Variants in GPC4 observed in about 807,000 individuals in gnomAD.
GPC4 encodes the protein glypican-4.
Under a neutral mutation model 35.0 loss-of-function variants are expected in GPC4, and 10 were observed. That is an observed-to-expected ratio of 0.29 (90% confidence interval 0.18 to 0.48). The LOEUF (loss-of-function observed/expected upper bound fraction) is 0.48. GPC4 is among the 20% of genes least tolerant of loss of function. GPC4 has a pLI of 0.99. For synonymous variants in GPC4, 167 were observed against 170.2 expected, an observed-to-expected ratio of 0.98 and a Z score of 0.15; for missense variants, 322 against 451.3, an observed-to-expected ratio of 0.71 and a Z score of 2.60.
At chrX:133,381,129 G>A (rs948903405) in intron 1 of GPC4, among the ~76,000 whole-genome samples, 7 of 111,646 alleles carry the variant, frequency 6.3e-5, no homozygotes, top group East Asian at 2.8e-4. Context: ...TAAAAGAACC[G>A]GGGTCAGTGG....
chrX:133,342,139 G>C (rs1292383392), intron 1 of GPC4, among the ~76,000 whole-genome samples: 3 of 106,202 alleles, frequency 2.8e-5, no homozygotes, highest in African/African-American at 1.0e-4. Flanking sequence ...TGGGTTCAAG[G>C]GATTCTCGTG....
chrX:133,373,988 C>T (rs2068623473), intron 1 of GPC4, among the ~76,000 whole-genome samples: 1 of 110,818 alleles, frequency 9.0e-6, no homozygotes, highest in African/African-American at 3.3e-5. Context: ...GCTAATGGTA[C>T]ACAGTTAATT....
rs767888494 is a variant in GPC4, at chrX:133,347,604, C to A, written c.161-8263G>T. On this transcript the variant is annotated intron_variant, in intron 1 of 8. Transcript: ENST00000370828. Reference sequence around the variant, plus strand: ...AATGCAGGTTGCTATATAACTCCAGCCCCTCTAAGCTACCTAAGACCCCAT... The same window carrying A: ...AATGCAGGTTGCTATATAACTCCAGACCCTCTAAGCTACCTAAGACCCCAT... 2.7e-5 allele frequency among the ~76,000 whole-genome samples: 3 copies of A among 110,983 alleles called. No homozygotes were observed. In the South Asian group the frequency reaches 1.2e-3, roughly 43 times the overall value.
At chrX:133,412,541 G>T (rs981505504) in intron 1 of GPC4, among the ~76,000 whole-genome samples, 1 of 111,791 alleles carries the variant, frequency 8.9e-6, no homozygotes, top group Non-Finnish European at 1.9e-5. Flanking sequence ...AGTCCAGTAG[G>T]TCATTCAAAA....
intron 1 of GPC4, among the ~76,000 whole-genome samples, chrX:133,387,293 T>C (rs2068695690): frequency 8.9e-6 from 1 of 111,809 alleles, no homozygotes; most frequent in African/African-American, 3.3e-5. Context: ...AAGAAAACAG[T>C]GGGTTTCAAT....
At chrX:133,335,650 C>A (rs946597759) in intron 2 of GPC4, among the ~76,000 whole-genome samples, 6 of 112,414 alleles carry the variant, frequency 5.3e-5, no homozygotes, top group Admixed American at 1.9e-4. Flanking sequence ...GGCACTAGAA[C>A]CCTGACCAGG....
intron 1 of GPC4, 136 bp downstream of exon 1, chrX:133,414,670 G>T: frequency 8.8e-7 from 1 of 1,132,858 alleles, no homozygotes; most frequent in Admixed American, 2.8e-5. Flanking sequence ...GCTCGCTCCT[G>T]CCCTCTCGAC....
intron 1 of GPC4, among the ~76,000 whole-genome samples, chrX:133,378,963 T>C (rs1398288531): frequency 8.9e-6 from 1 of 112,341 alleles, no homozygotes; most frequent in East Asian, 2.8e-4. Flanking sequence ...GCACAGACTT[T>C]GGAGTCAGAA....
rs190069325 is a variant in GPC4 at position 133,384,051 on chromosome X, T to C, written c.160+30755A>G. On this transcript the variant is annotated intron_variant, in intron 1 of 8. Transcript: ENST00000370828. ...AACTCGAGAATTTTCTTCAGGGAAC[T>C]GGAAATGCACAGAGACATACACTTT... 5.0e-3 allele frequency among the ~76,000 whole-genome samples: 562 copies of C among 111,710 alleles called. 3 individuals carry two copies. The highest frequency in any genetic ancestry group is 0.017 in the African/African-American group (526 of 30,753).
intron 1 of GPC4, among the ~76,000 whole-genome samples, chrX:133,365,223 C>A (rs1370121739): frequency 9.0e-6 from 1 of 111,526 alleles, no homozygotes; most frequent in Non-Finnish European, 1.9e-5. Flanking sequence ...TAGACACACC[C>A]TGTGGTTTCC....
intron 1 of GPC4, among the ~76,000 whole-genome samples, chrX:133,377,573 A>G (rs927794082): frequency 6.2e-5 from 7 of 112,555 alleles, no homozygotes; most frequent in African/African-American, 1.9e-4. Context: ...TATGATGCTT[A>G]TATTAATAGT....
chrX:133,378,045 C>T (rs940379301), intron 1 of GPC4, among the ~76,000 whole-genome samples: 1 of 108,653 alleles, frequency 9.2e-6, no homozygotes, highest in African/African-American at 3.4e-5. Context: ...CAGGTGTGCA[C>T]CACCACACCC....
At chrX:133,376,838 A>G (rs1218128994) in intron 1 of GPC4, among the ~76,000 whole-genome samples, 1 of 111,597 alleles carries the variant, frequency 9.0e-6, no homozygotes, top group African/African-American at 3.3e-5. Flanking sequence ...TCTCCCCCAC[A>G]TGGGACATTG....
At chrX:133,363,837 T>G (rs2068579108) in intron 1 of GPC4, among the ~76,000 whole-genome samples, 1 of 111,478 alleles carries the variant, frequency 9.0e-6, no homozygotes, top group African/African-American at 3.3e-5. Context: ...CCTCCAACCC[T>G]TCCCCAACAC....
chrX:133,347,262 T>TG (rs1556029461), intron 1 of GPC4, among the ~76,000 whole-genome samples: 2 of 92,551 alleles, frequency 2.2e-5, no homozygotes, highest in South Asian at 5.4e-4. Flanking sequence ...TTTTTTTTTT[T>TG]TTTTTTTTTT....
chrX:133,347,425 C>G (rs1283259170), intron 1 of GPC4, among the ~76,000 whole-genome samples: 1 of 109,312 alleles, frequency 9.1e-6, no homozygotes, highest in African/African-American at 3.3e-5. Context: ...TTTGCTGGAG[C>G]AATTTTCCTA....
Position 133,415,223 on chromosome X carries a change from G to A in GPC4, c.-258C>T, listed in dbSNP as rs1175038009. Reference sequence around the variant, plus strand: ...GGGCGTGGAGGCGGCGCGCGGCCCAGGGAAGCAGAGGCGCGGGCTGGTGAC... The same window carrying A: ...GGGCGTGGAGGCGGCGCGCGGCCCAAGGAAGCAGAGGCGCGGGCTGGTGAC... On this transcript the variant is annotated 5_prime_UTR_variant, in exon 1 of 9. Coordinates refer to ENST00000370828, the MANE Select transcript of GPC4 (RefSeq NM_001448.3). 4 of 335,017 alleles carry A rather than the reference G, an allele frequency of 1.2e-5. No homozygotes were observed. Among genetic ancestry groups the A allele is most frequent in the Non-Finnish European group, 1.5e-5 (3 of 194,846 alleles). The allele number at this position is 335,017 out of a possible 1,213,427, so 27.6% of individuals were successfully genotyped here. A position where few individuals can be genotyped will look rare whatever the true frequency, so the allele number is the denominator to read the frequency against.
Position 133,415,072 on chromosome X carries a change from G to A in GPC4, c.-107C>T. 1 of 796,527 alleles carries A rather than the reference G, an allele frequency of 1.3e-6. No individual in the cohort carries two copies. The highest frequency in any genetic ancestry group is 1.8e-6 in the Non-Finnish European group (1 of 563,709). 65.6% of individuals were successfully genotyped at this position (796,527 alleles called of 1,213,427 possible). A position where few individuals can be genotyped will look rare whatever the true frequency, so the allele number is the denominator to read the frequency against. On this transcript the variant is annotated 5_prime_UTR_variant, in exon 1 of 9. Coordinates refer to ENST00000370828, the MANE Select transcript of GPC4 (RefSeq NM_001448.3). ...AGTCGGGGACTAGCGAGTGGAGCTG[G>A]AGGGAGAAGGAGTTGGAGTTGGTGG...
intron 1 of GPC4, among the ~76,000 whole-genome samples, chrX:133,353,918 C>A (rs2068528278): frequency 1.8e-5 from 2 of 111,367 alleles, no homozygotes; most frequent in South Asian, 3.8e-4. Flanking sequence ...ACAGAGCCTG[C>A]AGATGGCACG....
Sources: allele counts gnomAD v4.1 joint callset (sites outside exome capture counted in the v4.1 genomes callset), GRCh38; gene constraint gnomAD v4.1.1; transcripts MANE v1.5; gene names NCBI Gene and HGNC (gene_info 2026-07-23, HGNC 2026-07-21).